GSG1L: variants seen among roughly 807,000 people sequenced by gnomAD.
The protein encoded by GSG1L is GSG1 like.
GSG1L carries 24 observed loss-of-function variants against 42.1 expected under a neutral mutation model. The ratio of observed to expected loss-of-function variants is 0.57; its 90% CI spans 0.41 to 0.80. The LOEUF (loss-of-function observed/expected upper bound fraction) is 0.80. Ranked by LOEUF, GSG1L falls within the 30% of genes least tolerant of loss-of-function variation. GSG1L has a pLI of 0.00. For synonymous variants in GSG1L, 215 were observed against 203.5 expected, an observed-to-expected ratio of 1.06 and a Z score of -0.48; for missense variants, 445 against 472.2, an observed-to-expected ratio of 0.94 and a Z score of 0.53.
intron 2 of GSG1L, among the ~76,000 whole-genome samples, chr16:27,934,564 A>T (rs2084694041): frequency 6.6e-6 from 1 of 152,118 alleles, no homozygotes; most frequent in Non-Finnish European, 1.5e-5. Flanking sequence ...TAAAATAAAA[A>T]CAAAAGTGAG....
rs147633469 is a variant in GSG1L at position 28,057,872 on chromosome 16, C to A, written c.349+5204G>T. On this transcript the variant is annotated intron_variant, in intron 1 of 6. Coordinates refer to ENST00000447459, the MANE Select transcript of GSG1L (RefSeq NM_001109763.2). The stretch of plus-strand genomic sequence containing the variant: ...AGTAGTATGAGGACTAGAATCTGGA[C>A]CATCTGGGCCCAAACCCTGTGATGG... Among the ~76,000 whole-genome samples the A allele has an allele frequency of 4.2e-3, 642 of 152,360 alleles. 4 individuals carry two copies. Among genetic ancestry groups the A allele is most frequent in the African/African-American group, 0.014 (600 of 41,584 alleles).
At position 27,859,344 on chromosome 16, in the gene GSG1L, T is replaced by C. The variant is rs528572468; in HGVS notation, c.551-14283A>G. 3.3e-5 allele frequency among the ~76,000 whole-genome samples: 5 copies of C among 152,302 alleles called. No homozygotes were observed. The East Asian group carries it at 7.7e-4, about 24-fold the overall frequency. ...TCAAGATTGGGACCTAGGCCATATA[T>C]GGCCAGAATGACAGGCAGACAAAGC... On this transcript the variant is annotated intron_variant, in intron 3 of 6. Coordinates refer to ENST00000447459, the MANE Select transcript of GSG1L (RefSeq NM_001109763.2).
intron 1 of GSG1L, among the ~76,000 whole-genome samples, chr16:28,030,613 T>C (rs2085946152): frequency 6.6e-6 from 1 of 152,208 alleles, no homozygotes; most frequent in Non-Finnish European, 1.5e-5. Flanking sequence ...TAAAAATTTG[T>C]CTTTTTGCTT....
intron 3 of GSG1L, among the ~76,000 whole-genome samples, chr16:27,869,793 CTT>C (rs1290195499): frequency 1.4e-5 from 2 of 145,440 alleles, no homozygotes; most frequent in Admixed American, 1.4e-4. Flanking sequence ...CTCCTTCTCT[CTT>C]TGTCTCTGTC....
chr16:27,927,797 C>A (rs1252590255), intron 2 of GSG1L, among the ~76,000 whole-genome samples: 1 of 152,148 alleles, frequency 6.6e-6, no homozygotes, highest in African/African-American at 2.4e-5. Context: ...CCCTGGCCAC[C>A]CACTGGAGTC....
chr16:27,819,024 T>G (rs1358229692), intron 5 of GSG1L, among the ~76,000 whole-genome samples: 1 of 151,924 alleles, frequency 6.6e-6, no homozygotes, highest in Non-Finnish European at 1.5e-5. Flanking sequence ...CCGAGGCGAG[T>G]GGATCACAAG....
chr16:27,933,858 C>A (rs11861424), intron 2 of GSG1L, among the ~76,000 whole-genome samples: 1 of 151,758 alleles, frequency 6.6e-6, no homozygotes, highest in Non-Finnish European at 1.5e-5. Flanking sequence ...CCTGAGGTCC[C>A]GTAGCTGCTC....
intron 5 of GSG1L, 140 bp from the exon 6 acceptor site, chr16:27,807,694 G>A (rs932534939): frequency 3.0e-6 from 2 of 661,766 alleles, no homozygotes; most frequent in South Asian, 1.9e-5. Context: ...TGCTGCCCTG[G>A]GGGATTTTGA....
At position 27,865,562 on chromosome 16, in the gene GSG1L, T is replaced by TAC. The variant is rs1159594884; in HGVS notation, c.550+18923_550+18924insGT. Among the ~76,000 whole-genome samples, 3 of 25,958 alleles carry TAC rather than the reference T, an allele frequency of 1.2e-4. 1 individual carries two copies. The highest frequency in any genetic ancestry group is 5.4e-4 in the African/African-American group (3 of 5,570). The allele number at this position is 25,958 out of a possible 152,430, so 17.0% of individuals were successfully genotyped here. A position where few individuals can be genotyped will look rare whatever the true frequency, so the allele number is the denominator to read the frequency against. ...ATATATATATATATATATATATATA[T>TAC]ATATATATATACACACACACATACA... On this transcript the variant is annotated intron_variant, in intron 3 of 6. Transcript: ENST00000447459.
At chr16:28,028,367 G>A (rs1432523805) in intron 1 of GSG1L, among the ~76,000 whole-genome samples, 3 of 151,968 alleles carry the variant, frequency 2.0e-5, no homozygotes, top group Non-Finnish European at 4.4e-5. Flanking sequence ...GCCTTGAGGA[G>A]GTCAAGTCAC....
intron 2 of GSG1L, among the ~76,000 whole-genome samples, chr16:27,945,259 A>C (rs1389953731): frequency 6.6e-6 from 1 of 152,292 alleles, no homozygotes; most frequent in African/African-American, 2.4e-5. Context: ...CACTTTAAAC[A>C]GGCAAATTGA....
At chr16:28,039,769 C>G (rs1351708247) in intron 1 of GSG1L, among the ~76,000 whole-genome samples, 1 of 152,106 alleles carries the variant, frequency 6.6e-6, no homozygotes, top group Non-Finnish European at 1.5e-5. Context: ...CACATACACA[C>G]ACAGATAGAT....
chr16:27,977,709 A>T (rs2085267232), intron 1 of GSG1L, among the ~76,000 whole-genome samples: 1 of 152,038 alleles, frequency 6.6e-6, no homozygotes, highest in Non-Finnish European at 1.5e-5. Context: ...GACTAGTACA[A>T]AAAGCCCCAT....
chr16:27,820,398 G>A (rs143716040), intron 5 of GSG1L, among the ~76,000 whole-genome samples: 176 of 152,236 alleles, frequency 1.2e-3, no homozygotes, highest in Non-Finnish European at 2.2e-3. Flanking sequence ...AGGCAGGTGG[G>A]TGCCGTGCCA....
intron 1 of GSG1L, among the ~76,000 whole-genome samples, chr16:28,041,224 G>A (rs1009655614): frequency 6.6e-6 from 1 of 152,140 alleles, no homozygotes; most frequent in Non-Finnish European, 1.5e-5. Flanking sequence ...GCTGAGGTAG[G>A]TGGATCCCTG....
chr16:28,020,808 A>G (rs943973607), intron 1 of GSG1L, among the ~76,000 whole-genome samples: 1 of 152,214 alleles, frequency 6.6e-6, no homozygotes, highest in Non-Finnish European at 1.5e-5. Flanking sequence ...GGCAAGGTTC[A>G]TGGGGAAAGG....
chr16:27,866,152 CTCTG>C (rs2083721188), intron 3 of GSG1L, among the ~76,000 whole-genome samples: 1 of 152,190 alleles, frequency 6.6e-6, no homozygotes, highest in African/African-American at 2.4e-5. Context: ...CTCTGCCTCT[CTCTG>C]TCTGTCCTCT....
At chr16:27,791,966 C>T (rs537212476) in intron 6 of GSG1L, among the ~76,000 whole-genome samples, 5 of 152,174 alleles carry the variant, frequency 3.3e-5, no homozygotes, top group African/African-American at 1.2e-4. Flanking sequence ...CACGACAGCA[C>T]CCCCTGCAGT....
chr16:27,946,622 AGAGAGAG>A (rs2084870402), intron 2 of GSG1L, among the ~76,000 whole-genome samples: 10 of 22,188 alleles, frequency 4.5e-4, no homozygotes, highest in East Asian at 1.7e-3. Context: ...AGAGAGAGAG[AGAGAGAG>A]AGAAAGAAAG....
Sources: allele counts gnomAD v4.1 joint callset (sites outside exome capture counted in the v4.1 genomes callset), GRCh38; gene constraint gnomAD v4.1.1; transcripts MANE v1.5; gene names NCBI Gene and HGNC (gene_info 2026-07-23, HGNC 2026-07-21).